Variants in FAM186A observed in about 807,000 individuals in gnomAD.
FAM186A encodes the protein protein FAM186A.
A neutral mutation model predicts 216.8 loss-of-function variants in FAM186A; 163 were observed. The observed-to-expected ratio is 0.75, with a 90% confidence interval of 0.66 to 0.86. FAM186A has a LOEUF of 0.86. Among genes scored for constraint, FAM186A ranks in the 40% least tolerant of loss-of-function variants. The pLI is 0.00. For synonymous variants in FAM186A, 805 were observed against 1,025.3 expected (o/e 0.79, Z 4.10); for missense variants, 2,184 against 2,746.2 (o/e 0.80, Z 4.58).
At chr12:50,359,046 T>C (rs1394482003) in intron 3 of FAM186A, among the ~76,000 whole-genome samples, 1 of 151,744 alleles carries the variant, frequency 6.6e-6, no homozygotes, top group Non-Finnish European at 1.5e-5. Context: ...TCATTTGCCA[T>C]TAGGAAAATG....
intron 3 of FAM186A, among the ~76,000 whole-genome samples, chr12:50,359,582 A>T (rs4479066): frequency 2.0e-5 from 3 of 151,870 alleles, no homozygotes; most frequent in Non-Finnish European, 4.4e-5. Context: ...CTACCCCCCC[A>T]AAAAAAATGG....
intron 1 of FAM186A, among the ~76,000 whole-genome samples, chr12:50,378,931 G>A (rs1047020339): frequency 4.6e-5 from 7 of 152,134 alleles, no homozygotes; most frequent in Admixed American, 6.6e-5. Flanking sequence ...TAATTATGAA[G>A]TATTGGAAAT....
Position 50,351,361 on chromosome 12 carries a change from T to C in FAM186A, c.5471A>G (p.Gln1824Arg), listed in dbSNP as rs1348446626. The change falls in exon 4 of 8, where the codon CAG becomes CGG. Residue 1824 changes from glutamine (Q) to arginine (R), a missense_variant. Gln to Arg is a conservative substitution (Grantham distance 43, BLOSUM62 1). Transcript: ENST00000327337. ...GGGAGGGGCCCGAGATATTGGGAGC[T>C]GCCCAGGGGAGGGAGGGGCCTGTGG... is the stretch of plus-strand genomic sequence containing the variant. ...PAPQAPPSPG[Q>R]LPISRAPPTP... 1 of 1,479,094 alleles carries C rather than the reference T, an allele frequency of 6.8e-7. No individual in the cohort carries two copies. Among genetic ancestry groups the C allele is most frequent in the Non-Finnish European group, 9.0e-7 (1 of 1,117,172 alleles). The allele number at this position is 1,479,094 out of a possible 1,614,324, so 91.6% of individuals were successfully genotyped here. A position where few individuals can be genotyped will look rare whatever the true frequency, so the allele number is the denominator to read the frequency against.
chr12:50,380,297 C>A (rs1003630911), intron 1 of FAM186A, among the ~76,000 whole-genome samples: 6 of 151,964 alleles, frequency 3.9e-5, no homozygotes, highest in African/African-American at 1.5e-4. Context: ...AATAAATGTC[C>A]TTCTTATATG....
chr12:50,374,770 C>T (rs985341963), intron 1 of FAM186A, among the ~76,000 whole-genome samples: 2 of 152,140 alleles, frequency 1.3e-5, no homozygotes, highest in African/African-American at 4.8e-5. Flanking sequence ...GATAAATGTC[C>T]TAACCAATTC....
At chr12:50,368,577 T>C (rs1943112669) in intron 1 of FAM186A, among the ~76,000 whole-genome samples, 1 of 152,074 alleles carries the variant, frequency 6.6e-6, no homozygotes, top group Non-Finnish European at 1.5e-5. Context: ...ATTGTTAAGA[T>C]GTCAATACTA....
intron 1 of FAM186A, among the ~76,000 whole-genome samples, chr12:50,373,406 A>G (rs1943168652): frequency 6.6e-6 from 1 of 152,204 alleles, no homozygotes; most frequent in Non-Finnish European, 1.5e-5. Flanking sequence ...CAAAAAAACA[A>G]AACAGAAAAA....
intron 4 of FAM186A, among the ~76,000 whole-genome samples, chr12:50,347,528 C>T (rs545973582): frequency 4.3e-4 from 66 of 151,972 alleles, no homozygotes; most frequent in African/African-American, 1.4e-3. Context: ...GTCAGGAGTT[C>T]GAGACCAGCC....
In FAM186A at chr12:50,352,524, G is replaced by T. The variant is rs1167199422; in HGVS notation, c.4308C>A (p.Thr1436=). The change falls in exon 4 of 8, where the codon ACC becomes ACA. Residue 1436 remains threonine (T), a synonymous_variant. Coordinates refer to ENST00000327337, the MANE Select transcript of FAM186A (RefSeq NM_001145475.3). The part of the protein sequence containing the change: ...QQAQAQEITL[T]PQQAQALGMP... ...TCCCCAGGGCCTGGGCCTGCTGAGG[G>T]GTGAGAGTGATCTCCTGAGCCTGTG... is the stretch of plus-strand genomic sequence containing the variant. 15 of 1,497,614 alleles carry T rather than the reference G, an allele frequency of 1.0e-5. No homozygotes were observed. Among genetic ancestry groups the T allele is most frequent in the Middle Eastern group, 1.7e-4 (1 of 5,782 alleles). The allele number at this position is 1,497,614 out of a possible 1,614,324, so 92.8% of individuals were successfully genotyped here.
intron 4 of FAM186A, among the ~76,000 whole-genome samples, chr12:50,349,950 T>C (rs1015218658): frequency 2.6e-5 from 4 of 152,072 alleles, no homozygotes; most frequent in Admixed American, 6.6e-5. Context: ...CTATGCCTGG[T>C]CTCATTCTTT....
At position 50,355,256 on chromosome 12, in the gene FAM186A, A is replaced by G; in HGVS notation, c.1576T>C (p.Ser526Pro). The change falls in exon 4 of 8, where the codon TCT (serine) becomes CCT (proline). Residue 526 changes from serine (S) to proline (P), a missense_variant. Physicochemically the swap from Ser to Pro is moderately conservative, Grantham distance 74 (BLOSUM62 -1). Around this residue, in one of 7 missense-constraint regions of FAM186A, gnomAD observed 1,132 missense variants for 1,263.4 expected, o/e 0.90. Transcript: ENST00000327337. ...SPTEAKRKHLSLTETKSQGGK... is the reference protein window; with the variant it reads ...SPTEAKRKHLPLTETKSQGGK... ...CCTTGGCTCTTTGTTTCAGTTAAAG[A>G]GAGATGTTTTCTTTTTGCTTCAGTG... 1 of 1,551,672 alleles carries G rather than the reference A, an allele frequency of 6.4e-7. No individual in the cohort carries two copies. Among genetic ancestry groups the G allele is most frequent in the African/African-American group, 1.4e-5 (1 of 73,174 alleles).
chr12:50,371,352 C>A (rs936373931), intron 1 of FAM186A, among the ~76,000 whole-genome samples: 2 of 152,048 alleles, frequency 1.3e-5, no homozygotes, highest in Non-Finnish European at 2.9e-5. Flanking sequence ...CTCCTGACCT[C>A]ATGATCCATC....
chr12:50,391,346 C>G (rs540752112), intron 1 of FAM186A, among the ~76,000 whole-genome samples: 1 of 149,830 alleles, frequency 6.7e-6, no homozygotes, highest in South Asian at 2.1e-4. Flanking sequence ...GAGACAGAGT[C>G]TCGCTGTCAC....
intron 1 of FAM186A, among the ~76,000 whole-genome samples, chr12:50,390,842 AC>A (rs1466342944): frequency 6.6e-6 from 1 of 152,024 alleles, no homozygotes. Flanking sequence ...CGAGGTAGCC[AC>A]CACCCCTGGC....
At position 50,354,547 on chromosome 12, in the gene FAM186A, A is replaced by T; in HGVS notation, c.2285T>A (p.Leu762Ter). Residue 762 changes from leucine (L) to a stop codon, truncating the protein, a stop_gained, in exon 4 of 8, where the codon TTG (leucine) becomes TAG (stop). Coordinates refer to ENST00000327337, the MANE Select transcript of FAM186A (RefSeq NM_001145475.3). LOFTEE classifies it high-confidence loss of function. ...QKKVVSFMPG[L>*]HFQKSPISAK... is the part of the protein sequence containing the mutation. The stretch of plus-strand genomic sequence containing the variant: ...ACTAATTGGTGACTTCTGAAAATGC[A>T]ATCCTGGCATAAATGAGACTACCTT... The T allele has an allele frequency of 1.3e-6, 2 of 1,551,654 alleles. No individual in the cohort carries two copies. Among genetic ancestry groups the T allele is most frequent in the South Asian group, 2.4e-5 (2 of 84,056 alleles).
In FAM186A at chr12:50,389,401, G is replaced by A. The variant is rs552502680; in HGVS notation, c.192+6892C>T. Among the ~76,000 whole-genome samples the A allele has an allele frequency of 2.0e-5, 3 of 152,298 alleles. No homozygotes were observed. In the East Asian group the frequency reaches 5.8e-4, roughly 29 times the overall value. On this transcript the variant is annotated intron_variant, in intron 1 of 7. Transcript: ENST00000327337. Reference sequence around the variant, plus strand: ...TGTAATTCCAGCTACTTGGGAGGCTGAGGCAGTAGAATTGCTTGAACCTGG... The same window carrying A: ...TGTAATTCCAGCTACTTGGGAGGCTAAGGCAGTAGAATTGCTTGAACCTGG...
chr12:50,373,494 C>G (rs1006669880), intron 1 of FAM186A, among the ~76,000 whole-genome samples: 4 of 152,210 alleles, frequency 2.6e-5, no homozygotes, highest in Admixed American at 2.6e-4. Flanking sequence ...TCTTTGATGT[C>G]AGCGTTACCC....
intron 1 of FAM186A, among the ~76,000 whole-genome samples, chr12:50,393,597 A>G (rs1192707599): frequency 6.6e-6 from 1 of 151,490 alleles, no homozygotes; most frequent in Non-Finnish European, 1.5e-5. Context: ...CTGTAATCTT[A>G]GCACTCTGGG....
rs1176876656 is a variant in FAM186A, at chr12:50,379,743, G to A, written c.193-16379C>T. 2.6e-5 allele frequency among the ~76,000 whole-genome samples: 4 copies of A among 151,764 alleles called. 1 individual carries two copies. The highest frequency in any genetic ancestry group is 4.2e-4 in the South Asian group (2 of 4,810). ...AGAGGTTGCAGTGAGCCAAGATCGC[G>A]CCATTGCACTCCAGCCTGGGCAACA... On this transcript the variant is annotated intron_variant, in intron 1 of 7. Transcript: ENST00000327337.
Sources: allele counts gnomAD v4.1 joint callset (sites outside exome capture counted in the v4.1 genomes callset), GRCh38; gene constraint gnomAD v4.1.1; regional missense constraint gnomAD v4.1.1; transcripts MANE v1.5; gene names NCBI Gene and HGNC (gene_info 2026-07-23, HGNC 2026-07-21).